ZNF804B: variants seen among roughly 807,000 people sequenced by gnomAD.
ZNF804B encodes the protein zinc finger protein 804B.
ZNF804B carries 80 observed loss-of-function variants against 101.4 expected under a neutral mutation model. The observed-to-expected ratio is 0.79, with a 90% confidence interval of 0.66 to 0.95. The LOEUF is 0.95. Ranked by LOEUF, ZNF804B falls within the 40% of genes least tolerant of loss-of-function variation. ZNF804B has a pLI of 0.00. For missense variants in ZNF804B, 1,673 were observed against 1,561.9 expected (o/e 1.07, Z -1.20); for synonymous variants, 622 against 558.8 (o/e 1.11, Z -1.59).
chr7:89,173,298 G>GT (rs1030843282), intron 1 of ZNF804B, among the ~76,000 whole-genome samples: 1 of 151,684 alleles, frequency 6.6e-6, no homozygotes, highest in African/African-American at 2.4e-5. Flanking sequence ...AGAGGTAGCT[G>GT]TTTTTTTATA....
At chr7:88,902,342 A>G (rs1038664435) in intron 1 of ZNF804B, among the ~76,000 whole-genome samples, 2 of 152,010 alleles carry the variant, frequency 1.3e-5, no homozygotes, top group South Asian at 2.1e-4. Context: ...AAAGCATTCA[A>G]ATTAATACCC....
intron 1 of ZNF804B, among the ~76,000 whole-genome samples, chr7:88,976,065 A>G (rs968012551): frequency 4.0e-5 from 6 of 151,662 alleles, no homozygotes; most frequent in Non-Finnish European, 7.4e-5. Context: ...CCTTTGTTGA[A>G]AATGAGTTCA....
intron 2 of ZNF804B, among the ~76,000 whole-genome samples, chr7:89,250,217 A>G (rs534645374): frequency 6.6e-6 from 1 of 152,028 alleles, no homozygotes; most frequent in African/African-American, 2.4e-5. Context: ...AAAAGAGAGA[A>G]GATCCAAATA....
chr7:89,217,558 A>G (rs1325884888), intron 1 of ZNF804B, among the ~76,000 whole-genome samples: 1 of 152,234 alleles, frequency 6.6e-6, no homozygotes, highest in Non-Finnish European at 1.5e-5. Flanking sequence ...GATTTTAAGC[A>G]GGAGAATTAT....
At chr7:88,858,963 A>G (rs976360204) in intron 1 of ZNF804B, among the ~76,000 whole-genome samples, 1 of 152,080 alleles carries the variant, frequency 6.6e-6, no homozygotes, top group Non-Finnish European at 1.5e-5. Flanking sequence ...ATTAATGAGG[A>G]GGCTTATGAA....
intron 1 of ZNF804B, among the ~76,000 whole-genome samples, chr7:89,029,648 T>C (rs532216053): frequency 1.7e-4 from 26 of 152,324 alleles, no homozygotes; most frequent in African/African-American, 6.0e-4. Context: ...ATTACTCTCA[T>C]CACCAACTTC....
chr7:88,940,809 G>T (rs982754003), intron 1 of ZNF804B, among the ~76,000 whole-genome samples: 1 of 97,316 alleles, frequency 1.0e-5, no homozygotes, highest in East Asian at 3.1e-4. Context: ...AATAATAATA[G>T]AATGTATCTC....
intron 1 of ZNF804B, among the ~76,000 whole-genome samples, chr7:89,121,043 A>G (rs1380779557): frequency 6.6e-6 from 1 of 152,186 alleles, no homozygotes; most frequent in African/African-American, 2.4e-5. Flanking sequence ...TCCATTTTGT[A>G]AGGATGATAA....
intron 1 of ZNF804B, among the ~76,000 whole-genome samples, chr7:89,189,734 C>T (rs899690094): frequency 1.3e-5 from 2 of 152,092 alleles, no homozygotes; most frequent in African/African-American, 4.8e-5. Flanking sequence ...GCCTCATTCC[C>T]ATTTCTCTCT....
At chr7:88,838,263 A>G (rs1462830061) in intron 1 of ZNF804B, among the ~76,000 whole-genome samples, 2 of 149,488 alleles carry the variant, frequency 1.3e-5, no homozygotes, top group African/African-American at 2.6e-5. Flanking sequence ...TAGCCTCCTT[A>G]TAGATAATGG....
chr7:89,191,752 A>G (rs1788457979), intron 1 of ZNF804B, among the ~76,000 whole-genome samples: 2 of 152,132 alleles, frequency 1.3e-5, no homozygotes, highest in Admixed American at 6.6e-5. Flanking sequence ...TACCACCAGG[A>G]CAAACAGCCT....
At chr7:89,232,491 ATTC>A (rs1374658275) in intron 2 of ZNF804B, among the ~76,000 whole-genome samples, 1 of 152,094 alleles carries the variant, frequency 6.6e-6, no homozygotes, top group Non-Finnish European at 1.5e-5. Context: ...GTTATTATTC[ATTC>A]TTTAAATGTT....
intron 1 of ZNF804B, among the ~76,000 whole-genome samples, chr7:89,004,494 T>C (rs960918040): frequency 2.0e-5 from 3 of 151,916 alleles, no homozygotes; most frequent in Admixed American, 6.6e-5. Context: ...TTTTTGTTCC[T>C]GGTTGAAAGA....
At chr7:88,825,679 A>G (rs79176649) in intron 1 of ZNF804B, among the ~76,000 whole-genome samples, 1 of 152,150 alleles carries the variant, frequency 6.6e-6, no homozygotes, top group East Asian at 1.9e-4. Context: ...CACTTTTTAT[A>G]AAAGAGATTG....
chr7:89,227,624 T>G (rs1403633824), intron 2 of ZNF804B, among the ~76,000 whole-genome samples: 1 of 152,200 alleles, frequency 6.6e-6, no homozygotes, highest in Non-Finnish European at 1.5e-5. Flanking sequence ...ATTAGGGGTT[T>G]TAGTAAAGAC....
At chr7:89,269,305 C>G (rs1258239714) in intron 2 of ZNF804B, among the ~76,000 whole-genome samples, 1 of 151,992 alleles carries the variant, frequency 6.6e-6, no homozygotes, top group South Asian at 2.1e-4. Flanking sequence ...TGAGTGAGAA[C>G]ATGTTGTGTT....
chr7:88,872,230 T>C (rs921627104), intron 1 of ZNF804B, among the ~76,000 whole-genome samples: 26 of 152,146 alleles, frequency 1.7e-4, no homozygotes, highest in African/African-American at 6.3e-4. Flanking sequence ...AGTTCAGTAT[T>C]ACACAGATAA....
At chr7:89,285,522 CAAAAAAAA>C (rs778078214) in intron 2 of ZNF804B, among the ~76,000 whole-genome samples, 61 of 22,392 alleles carry the variant, frequency 2.7e-3, no homozygotes, top group African/African-American at 8.8e-3. Flanking sequence ...GACTCTGTCT[CAAAAAAAA>C]AAAAAAAAAA....
At chr7:88,776,995 T>C (rs1586898423) in intron 1 of ZNF804B, among the ~76,000 whole-genome samples, 1 of 152,132 alleles carries the variant, frequency 6.6e-6, no homozygotes, top group Non-Finnish European at 1.5e-5. Flanking sequence ...TTGCAGGAAG[T>C]CACTATTGCC....
Sources: gnomAD v4.1 joint callset for allele counts (sites outside exome capture counted in the v4.1 genomes callset) on GRCh38, gnomAD v4.1.1 for gene constraint, MANE v1.5 for transcripts, NCBI Gene and HGNC (gene_info 2026-07-23, HGNC 2026-07-21) for gene names.